Variants in EIF4E3 observed in about 807,000 individuals in gnomAD.
The protein encoded by EIF4E3 is eukaryotic translation initiation factor 4E family member 3.
A neutral mutation model predicts 31.7 loss-of-function variants in EIF4E3; 26 were observed. The ratio of observed to expected loss-of-function variants is 0.82; its 90% CI spans 0.60 to 1.14. The LOEUF (loss-of-function observed/expected upper bound fraction) is 1.14, where lower values mean the gene tolerates loss of function less well. Ranked by LOEUF, EIF4E3 falls within the 50% of genes most tolerant of loss-of-function variation. EIF4E3 has a pLI of 0.00. For missense variants in EIF4E3, 304 were observed against 270.9 expected, an observed-to-expected ratio of 1.12 and a Z score of -0.86; for synonymous variants, 128 against 107.7, an observed-to-expected ratio of 1.19 and a Z score of -1.17.
chr3:71,662,380 C>T, the EIF4E3 span, among the ~76,000 whole-genome samples: 305 of 152,302 alleles, frequency 2.0e-3, 1 homozygote, highest in Middle Eastern at 0.01. Context: ...CAGCTCACTG[C>T]CTTGATTTGT....
intron 1 of EIF4E3, among the ~76,000 whole-genome samples, chr3:71,732,673 G>A (rs543854714): frequency 5.3e-4 from 80 of 152,344 alleles, no homozygotes; most frequent in African/African-American, 1.9e-3. Context: ...CAGAGATACA[G>A]AGATAGCTTA....
At position 71,704,654 on chromosome 3, in the gene EIF4E3, C is replaced by T. The variant is rs1166624478; in HGVS notation, c.250-4946G>A. 3.9e-5 allele frequency among the ~76,000 whole-genome samples: 6 copies of T among 152,312 alleles called. No homozygotes were observed. The East Asian group carries it at 9.7e-4, about 25-fold the overall frequency. ...CAGGGGTCTTCATAACATGAGGTTA[C>T]AGCAGGGCCAAAGGTGGTGGGCATG... On this transcript the variant is annotated intron_variant, in intron 2 of 6. Coordinates refer to ENST00000425534, the MANE Select transcript of EIF4E3 (RefSeq NM_001134651.2).
intron 1 of EIF4E3, among the ~76,000 whole-genome samples, chr3:71,735,249 A>G (rs2049750715): frequency 6.6e-6 from 1 of 152,208 alleles, no homozygotes; most frequent in South Asian, 2.1e-4. Flanking sequence ...TTTACATAGG[A>G]GTACACAGGC....
At chr3:71,715,645 T>C (rs552957295) in intron 1 of EIF4E3, among the ~76,000 whole-genome samples, 3 of 152,302 alleles carry the variant, frequency 2.0e-5, no homozygotes, top group East Asian at 3.9e-4. Flanking sequence ...TCCCACGGTA[T>C]ACAGCTGGAG....
chr3:71,737,807 A>G (rs1170047755), intron 1 of EIF4E3, among the ~76,000 whole-genome samples: 1 of 152,076 alleles, frequency 6.6e-6, no homozygotes, highest in African/African-American at 2.4e-5. Flanking sequence ...AACAACAACA[A>G]CAGAGATTTT....
chr3:71,687,533 A>C (rs2049009189), intron 6 of EIF4E3, among the ~76,000 whole-genome samples: 1 of 152,222 alleles, frequency 6.6e-6, no homozygotes, highest in Admixed American at 6.5e-5. Flanking sequence ...CGGAGAGGGT[A>C]ACACAGAGGG....
intron 1 of EIF4E3, among the ~76,000 whole-genome samples, chr3:71,743,537 G>A (rs11718929): frequency 0.13 from 19,779 of 152,064 alleles, 1,578 homozygotes; most frequent in South Asian, 0.35. Context: ...TTGTTAAGAT[G>A]TCAATTCTCC....
At position 71,699,479 on chromosome 3, in the gene EIF4E3, C is replaced by T. The variant is rs532851497; in HGVS notation, c.344+135G>A. 1.2e-4 allele frequency: 98 copies of T among 785,186 alleles called. 1 individual carries two copies. The South Asian group carries it at 1.5e-3, about 12-fold the overall frequency. The allele number at this position is 785,186 out of a possible 1,614,324, so 48.6% of individuals were successfully genotyped here. A position where few individuals can be genotyped will look rare whatever the true frequency, so the allele number is the denominator to read the frequency against. On this transcript the variant is annotated intron_variant, in intron 3 of 6. Coordinates refer to ENST00000425534, the MANE Select transcript of EIF4E3 (RefSeq NM_001134651.2). ...AAGAAGGAGGACACTTACCCCCAGA[C>T]CCTGGGCCATGATTGGTATCACAGA...
At chr3:71,726,262 CA>C (rs2049637378), upstream of EIF4E3, among the ~76,000 whole-genome samples, 4 of 152,218 alleles carry the variant, frequency 2.6e-5, no homozygotes, top group Admixed American at 2.6e-4. Flanking sequence ...TGCCCTAAAG[CA>C]CCGGCGAGTC....
chr3:71,734,690 C>G (rs2049742825), intron 1 of EIF4E3, among the ~76,000 whole-genome samples: 1 of 151,984 alleles, frequency 6.6e-6, no homozygotes, highest in South Asian at 2.1e-4. Context: ...GTGAAAAAAA[C>G]AAGCCAACTG....
chr3:71,682,210 AT>A lies in EIF4E3; in HGVS notation c.*2471del, dbSNP rs2048932453. 1 of 152,258 alleles carries A rather than the reference AT, an allele frequency of 6.6e-6. No homozygotes were observed. The highest frequency in any genetic ancestry group is 1.5e-5 in the Non-Finnish European group (1 of 68,046). 9.4% of individuals were successfully genotyped at this position (152,258 alleles called of 1,614,324 possible). A position where few individuals can be genotyped will look rare whatever the true frequency, so the allele number is the denominator to read the frequency against. ...GTTTCAATCAGATTTCCTGGCATAT[AT>A]CACAGACCCTAAGGAATTACAAAGA... On this transcript the variant is annotated 3_prime_UTR_variant, in exon 7 of 7. Transcript: ENST00000425534.
the EIF4E3 span, among the ~76,000 whole-genome samples, chr3:71,663,715 T>C: frequency 6.6e-6 from 1 of 152,370 alleles, no homozygotes; most frequent in East Asian, 1.9e-4. Flanking sequence ...ACGTCCCGCC[T>C]GCCTGACTGT....
intron 6 of EIF4E3, among the ~76,000 whole-genome samples, 156 bp downstream of exon 6, chr3:71,689,854 T>TAA (rs376899673): frequency 1.4e-5 from 2 of 141,210 alleles, no homozygotes. Context: ...TTGTTTTTTT[T>TAA]AAAAAAAAAA....
intron 1 of EIF4E3, among the ~76,000 whole-genome samples, chr3:71,723,245 A>AG (rs2049578406): frequency 6.6e-6 from 1 of 152,216 alleles, no homozygotes; most frequent in Non-Finnish European, 1.5e-5. Context: ...CATAACCTCA[A>AG]GGGGGAGAGG....
upstream of EIF4E3, chr3:71,754,712 C>A (rs1251806666): frequency 6.7e-7 from 1 of 1,483,206 alleles, no homozygotes. This position sits in a 1 kb window ranked among gnomAD's most constrained non-coding sequence, Gnocchi z 5.8. Context: ...GCCTGGTGCC[C>A]GCCGTCAGCC....
chr3:71,728,209 A>G (rs1454700379), upstream of EIF4E3, among the ~76,000 whole-genome samples: 1 of 152,240 alleles, frequency 6.6e-6, no homozygotes, highest in Non-Finnish European at 1.5e-5. Context: ...TAAGATTAAT[A>G]AAAGAGATTA....
intron 1 of EIF4E3, among the ~76,000 whole-genome samples, chr3:71,737,331 G>C (rs1458756715): frequency 6.6e-6 from 1 of 152,166 alleles, no homozygotes; most frequent in Non-Finnish European, 1.5e-5. Flanking sequence ...AGAGCACTGT[G>C]GCAGAAGGTG....
intron 5 of EIF4E3, among the ~76,000 whole-genome samples, chr3:71,692,356 T>C (rs2049074625): frequency 6.6e-6 from 1 of 152,198 alleles, no homozygotes; most frequent in Non-Finnish European, 1.5e-5. Context: ...ATGTCCCAAG[T>C]CAACCACAAA....
At chr3:71,666,801 T>C in the EIF4E3 span, among the ~76,000 whole-genome samples, 1 of 152,010 alleles carries the variant, frequency 6.6e-6, no homozygotes, top group East Asian at 1.9e-4. Flanking sequence ...TAGCTGGGCA[T>C]GGTGGCGCAC....
Sources: allele counts gnomAD v4.1 joint callset (sites outside exome capture counted in the v4.1 genomes callset), GRCh38; gene constraint gnomAD v4.1.1; non-coding constraint Gnocchi (gnomAD v3.1); transcripts MANE v1.5; gene names NCBI Gene and HGNC (gene_info 2026-07-23, HGNC 2026-07-21).